Variants in RPF2 observed in about 807,000 individuals in gnomAD.
The protein encoded by RPF2 is ribosome production factor 2 homolog, also known as brix domain containing 1.
A neutral mutation model predicts 38.9 loss-of-function variants in RPF2; 21 were observed. The ratio of observed to expected loss-of-function variants is 0.54; its 90% confidence interval spans 0.38 to 0.78. RPF2 has a LOEUF of 0.78. Ranked by LOEUF, RPF2 falls within the 30% of genes least tolerant of loss-of-function variation. The probability of loss-of-function intolerance (pLI) is 0.00; values close to 1 mark genes in which losing one functional copy is unlikely to be tolerated. For synonymous variants in RPF2, 121 were observed against 126.2 expected (o/e 0.96, Z 0.28); for missense variants, 314 against 358.1 (o/e 0.88, Z 0.99).
intron 8 of RPF2, among the ~76,000 whole-genome samples, chr6:111,017,512 C>T (rs1198133688): frequency 1.4e-5 from 2 of 145,376 alleles, no homozygotes; most frequent in African/African-American, 5.2e-5. Context: ...GGCTGCCGGG[C>T]GGAGGGGCTC....
At chr6:110,992,898 G>C (rs530943290) in intron 4 of RPF2, among the ~76,000 whole-genome samples, 1 of 152,168 alleles carries the variant, frequency 6.6e-6, no homozygotes, top group Non-Finnish European at 1.5e-5. Flanking sequence ...AAAACGTAGC[G>C]AGACCCTGTC....
intron 6 of RPF2, among the ~76,000 whole-genome samples, chr6:111,000,319 T>C (rs972848474): frequency 6.6e-6 from 1 of 152,132 alleles, no homozygotes. Context: ...ATGTTTCCCA[T>C]GTTGCCTAGG....
At chr6:111,007,537 A>C (rs1771932891) in intron 6 of RPF2, among the ~76,000 whole-genome samples, 1 of 152,064 alleles carries the variant, frequency 6.6e-6, no homozygotes, top group South Asian at 2.1e-4. Context: ...TGTCTCTTTA[A>C]AAAGAAAAAA....
intron 5 of RPF2, among the ~76,000 whole-genome samples, chr6:110,999,245 A>C (rs1456676968): frequency 6.6e-6 from 1 of 152,028 alleles, no homozygotes; most frequent in East Asian, 1.9e-4. Flanking sequence ...GATCCATTGG[A>C]ATTGGGGGGG....
intron 8 of RPF2, among the ~76,000 whole-genome samples, chr6:111,019,789 C>T (rs983092027): frequency 1.3e-5 from 2 of 152,150 alleles, no homozygotes; most frequent in African/African-American, 2.4e-5. Context: ...TGTATATAAA[C>T]TGTATATGAA....
At chr6:111,019,073 G>C (rs1434334178) in intron 8 of RPF2, among the ~76,000 whole-genome samples, 2 of 151,944 alleles carry the variant, frequency 1.3e-5, no homozygotes, top group African/African-American at 4.8e-5. Context: ...AAATTAGCTG[G>C]ACATGGTGGC....
In RPF2 at chr6:111,025,550, G is replaced by A. The variant is rs769639738; in HGVS notation, c.889G>A (p.Glu297Lys). 35 of 1,607,242 alleles carry A rather than the reference G, an allele frequency of 2.2e-5. No homozygotes were observed. Among genetic ancestry groups the A allele is most frequent in the Non-Finnish European group, 2.8e-5 (33 of 1,178,558 alleles). The change falls in exon 10 of 10, where the codon GAG becomes AAG. Residue 297 changes from glutamate to lysine, a missense_variant. Coordinates refer to ENST00000441448, the MANE Select transcript of RPF2 (RefSeq NM_032194.3). Reference protein sequence around the residue: ...RPAERITEDHEKKSKRIKKN With the variant: ...RPAERITEDHKKKSKRIKKN ...TGCAGAAAGGATAACAGAAGACCAC[G>A]AGAAAAAGTCAAAAAGAATTAAAAA...
At chr6:111,021,044 C>T (rs754071954) in intron 8 of RPF2, among the ~76,000 whole-genome samples, 5 of 152,110 alleles carry the variant, frequency 3.3e-5, no homozygotes, top group Non-Finnish European at 4.4e-5. Flanking sequence ...TGGCGCATGC[C>T]TGTAATCCCA....
intron 7 of RPF2, among the ~76,000 whole-genome samples, chr6:111,013,054 C>T (rs1583272138): frequency 6.6e-6 from 1 of 152,308 alleles, no homozygotes; most frequent in East Asian, 1.9e-4. Flanking sequence ...AAAATCCTAA[C>T]AGTGTATATA....
Position 111,011,276 on chromosome 6 carries a change from TTTTCTTTCTTTC to T in RPF2, c.493+3163_493+3174del, listed in dbSNP as rs71553323. Among the ~76,000 whole-genome samples the T allele has an allele frequency of 2.6e-3, 353 of 133,654 alleles. 7 individuals are homozygous for T. The highest frequency in any genetic ancestry group is 4.7e-3 in the African/African-American group (181 of 38,164). The allele number at this position is 133,654 out of a possible 152,430, so 87.7% of individuals were successfully genotyped here. A position where few individuals can be genotyped will look rare whatever the true frequency, so the allele number is the denominator to read the frequency against. ...ATATATCCCAAATTATCAAGGGTATTTTTCTTTCTTTCTTTCTTTCTTTCTTTCTTTCTTTTT... is the reference window on the plus strand; with the variant it reads ...ATATATCCCAAATTATCAAGGGTATTTTTCTTTCTTTCTTTCTTTCTTTTT... On this transcript the variant is annotated intron_variant, in intron 7 of 9. Coordinates refer to ENST00000441448, the MANE Select transcript of RPF2 (RefSeq NM_032194.3).
chr6:110,985,975 C>T (rs1005303583), intron 2 of RPF2, among the ~76,000 whole-genome samples: 16 of 151,170 alleles, frequency 1.1e-4, no homozygotes, highest in Middle Eastern at 3.5e-3. Context: ...GACCCCCACA[C>T]AGGGTAGGTT....
chr6:111,007,167 G>T (rs1562371951), intron 6 of RPF2, among the ~76,000 whole-genome samples: 1 of 152,236 alleles, frequency 6.6e-6, no homozygotes, highest in Non-Finnish European at 1.5e-5. Flanking sequence ...ATAGGCATGA[G>T]CCGTCACACC....
At chr6:110,991,807 G>T (rs762729134) in intron 4 of RPF2, 21 bp downstream of exon 4, 5 of 1,042,988 alleles carry the variant, frequency 4.8e-6, no homozygotes, top group Admixed American at 2.6e-5. Flanking sequence ...TAATCTTTAT[G>T]ATTTAAGAAA....
chr6:110,988,315 G>A (rs1771558093), intron 2 of RPF2, among the ~76,000 whole-genome samples: 1 of 151,998 alleles, frequency 6.6e-6, no homozygotes, highest in African/African-American at 2.4e-5. Context: ...TTTAACCTCT[G>A]GCTAGTATTC....
intron 1 of RPF2, among the ~76,000 whole-genome samples, chr6:110,984,402 T>G (rs1394967645): frequency 6.6e-6 from 1 of 152,110 alleles, no homozygotes; most frequent in East Asian, 1.9e-4. Context: ...TACTTGAGCC[T>G]TTTATTTTTT....
chr6:111,007,995 A>T (rs746598483), intron 6 of RPF2, 43 bp from the exon 7 acceptor site: 1 of 1,513,492 alleles, frequency 6.6e-7, no homozygotes, highest in Admixed American at 2.3e-5. Context: ...TAAACAGTTT[A>T]GACTTTGGTA....
intron 8 of RPF2, among the ~76,000 whole-genome samples, chr6:111,018,214 G>GGAGGGAGAGGGAGAGGGA (rs531514968): frequency 3.4e-5 from 5 of 145,354 alleles, no homozygotes; most frequent in African/African-American, 1.4e-4. Context: ...AGGGGGAGGG[G>GGAGGGAGAGGGAGAGGGA]GAGGGAGAGG....
intron 6 of RPF2, among the ~76,000 whole-genome samples, chr6:111,006,410 A>G (rs982503337): frequency 5.5e-5 from 8 of 146,344 alleles, no homozygotes; most frequent in African/African-American, 2.0e-4. Context: ...AATTTTTTCT[A>G]TTTTTAGTAG....
chr6:110,992,661 T>C lies in RPF2; in HGVS notation c.234+875T>C, dbSNP rs558294054. Among the ~76,000 whole-genome samples, 6 of 152,312 alleles carry C rather than the reference T, an allele frequency of 3.9e-5. No individual in the cohort carries two copies. The South Asian group carries it at 1.2e-3, about 32-fold the overall frequency. ...TCCTAGAGTTAATCAGATTCTTATT[T>C]GAGTGTATAGTCAACCAAAACTAAA... On this transcript the variant is annotated intron_variant, in intron 4 of 9. Transcript: ENST00000441448.
Sources: allele counts gnomAD v4.1 joint callset (sites outside exome capture counted in the v4.1 genomes callset), GRCh38; gene constraint gnomAD v4.1.1; transcripts MANE v1.5; gene names NCBI Gene and HGNC (gene_info 2026-07-23, HGNC 2026-07-21).